Variants in KLF3 observed in about 807,000 individuals in gnomAD.
KLF3 encodes Krueppel-like factor 3.
In KLF3, 6 loss-of-function variants were observed where a neutral mutation model predicts 32.7. The ratio of observed to expected loss-of-function variants is 0.18; its 90% CI spans 0.10 to 0.36. The LOEUF (loss-of-function observed/expected upper bound fraction) is 0.36. Among genes scored for constraint, KLF3 ranks in the 10% least tolerant of loss-of-function variants. The pLI is 1.00. For synonymous variants in KLF3, 145 were observed against 172.8 expected (o/e 0.84, Z 1.26); for missense variants, 338 against 449.7 (o/e 0.75, Z 2.25).
Position 38,688,541 on chromosome 4 carries a change from G to A in KLF3, c.58-44G>A, listed in dbSNP as rs1722768371. The stretch of plus-strand genomic sequence containing the variant: ...TCTTAATTCATGTTTCAAGTAAATG[G>A]ACTTATTTGGCTGTTGACACGTTTT... On this transcript the variant is annotated intron_variant, in intron 2 of 5. Coordinates refer to ENST00000261438, the MANE Select transcript of KLF3 (RefSeq NM_016531.6). This position sits in a 1 kb window ranked among gnomAD's most constrained non-coding sequence, Gnocchi z 4.9. 6.5e-7 allele frequency: 1 copy of A among 1,527,698 alleles called. No individual in the cohort carries two copies. Among genetic ancestry groups the A allele is most frequent in the East Asian group, 2.3e-5 (1 of 43,940 alleles). The allele number at this position is 1,527,698 out of a possible 1,614,324, so 94.6% of individuals were successfully genotyped here.
At chr4:38,684,305 CCTTAT>C (rs760388699) in intron 2 of KLF3, among the ~76,000 whole-genome samples, 20 of 152,126 alleles carry the variant, frequency 1.3e-4, no homozygotes, top group Non-Finnish European at 2.2e-4. Flanking sequence ...TTATTCTTCA[CCTTAT>C]CAGTAATAAA....
intron 2 of KLF3, among the ~76,000 whole-genome samples, chr4:38,682,860 T>C (rs993907952): frequency 6.6e-6 from 1 of 152,230 alleles, no homozygotes; most frequent in Admixed American, 6.5e-5. Flanking sequence ...CTGACACTTT[T>C]AGAATTTAGT....
intron 1 of KLF3, among the ~76,000 whole-genome samples, chr4:38,672,159 C>A (rs1560413484): frequency 6.6e-6 from 1 of 152,146 alleles, no homozygotes; most frequent in South Asian, 2.1e-4. Context: ...ATCCCTATTA[C>A]TTGTTTAAGG....
chr4:38,693,145 T>TATATATATACATAC (rs1722935288), intron 4 of KLF3, among the ~76,000 whole-genome samples: 2 of 143,760 alleles, frequency 1.4e-5, no homozygotes, highest in Non-Finnish European at 3.0e-5. Context: ...TATATATGTG[T>TATATATATACATAC]ATATATATAC....
At chr4:38,673,494 T>A (rs1047664109) in intron 1 of KLF3, among the ~76,000 whole-genome samples, 2 of 152,232 alleles carry the variant, frequency 1.3e-5, no homozygotes, top group Non-Finnish European at 2.9e-5. Flanking sequence ...ATTATGGGTA[T>A]TTTTCAATTT....
rs534580861 is a variant in KLF3 at position 38,684,449 on chromosome 4, G to A, written c.57+3767G>A. Among the ~76,000 whole-genome samples the A allele has an allele frequency of 2.6e-5, 4 of 152,116 alleles. No individual in the cohort carries two copies. In the South Asian group the frequency reaches 8.3e-4, roughly 32 times the overall value. On this transcript the variant is annotated intron_variant, in intron 2 of 5. Transcript: ENST00000261438. ...CAATAAGTAAATGCACACTGTGCAGGGGTGTGAACATCTGAGTACATGTTA... is the reference window on the plus strand; with the variant it reads ...CAATAAGTAAATGCACACTGTGCAGAGGTGTGAACATCTGAGTACATGTTA...
At chr4:38,694,338 C>T (rs1195222902) in intron 4 of KLF3, among the ~76,000 whole-genome samples, 1 of 152,126 alleles carries the variant, frequency 6.6e-6, no homozygotes, top group Non-Finnish European at 1.5e-5. Flanking sequence ...TCAGCATTGC[C>T]TAGAACCACA....
In KLF3 at chr4:38,674,508, T is replaced by C. The variant is rs1361699666; in HGVS notation, c.-39-6079T>C. Among the ~76,000 whole-genome samples, 3 of 151,986 alleles carry C rather than the reference T, an allele frequency of 2.0e-5. No homozygotes were observed. The highest frequency in any genetic ancestry group is 7.3e-5 in the African/African-American group (3 of 41,368). On this transcript the variant is annotated intron_variant, in intron 1 of 5. Transcript: ENST00000261438. This position sits in a 1 kb window ranked among gnomAD's most constrained non-coding sequence, Gnocchi z 4.1. ...AGGGGAAGATAACATGTTTTCTCTT[T>C]GAAAAATCCAAAAACTTAGAAGAGT...
chr4:38,684,614 G>A lies in KLF3; in HGVS notation c.57+3932G>A, dbSNP rs557233000. On this transcript the variant is annotated intron_variant, in intron 2 of 5. Coordinates refer to ENST00000261438, the MANE Select transcript of KLF3 (RefSeq NM_016531.6). ...ATTGCCCTGTTGCCCAGGCTGGAAT[G>A]CAGTAGCAAGATCACTGCAACCTCA... Among the ~76,000 whole-genome samples, 4 of 140,264 alleles carry A rather than the reference G, an allele frequency of 2.9e-5. No individual in the cohort carries two copies. The South Asian group carries it at 9.6e-4, about 34-fold the overall frequency. 92.0% of individuals were successfully genotyped at this position (140,264 alleles called of 152,430 possible).
chr4:38,697,823 C>G lies in KLF3; in HGVS notation c.*560C>G, dbSNP rs902343315. ...TCTTGTCAACCTGGATCTTAGACTT[C>G]ATCTGAATCGAGTTCTTTGCCCTCC... On this transcript the variant is annotated 3_prime_UTR_variant, in exon 6 of 6. Transcript: ENST00000261438. 5.9e-5 allele frequency: 9 copies of G among 152,268 alleles called. No individual in the cohort carries two copies. Among genetic ancestry groups the G allele is most frequent in the African/African-American group, 9.6e-5 (4 of 41,458 alleles). The allele number at this position is 152,268 out of a possible 1,614,324, so 9.4% of individuals were successfully genotyped here.
chr4:38,693,945 A>G (rs1722964735), intron 4 of KLF3, among the ~76,000 whole-genome samples: 1 of 152,200 alleles, frequency 6.6e-6, no homozygotes, highest in Non-Finnish European at 1.5e-5. Flanking sequence ...GTGCAAACTC[A>G]GGAATGAGAG....
chr4:38,686,945 G>A (rs1278210732), intron 2 of KLF3, among the ~76,000 whole-genome samples: 1 of 152,156 alleles, frequency 6.6e-6, no homozygotes, highest in South Asian at 2.1e-4. Context: ...CCGAGGATTC[G>A]CCCAGACCAA....
In KLF3 at chr4:38,680,606, TAGA is replaced by T; in HGVS notation, c.-17_-15del. ...TTCTAGGCCAAACACCAGAGCACCC[TAGA>T]AGGTTTAACTAAAAGAATGCTCATG... On this transcript the variant is annotated 5_prime_UTR_variant, in exon 2 of 6. Coordinates refer to ENST00000261438, the MANE Select transcript of KLF3 (RefSeq NM_016531.6). 6.2e-7 allele frequency: 1 copy of T among 1,604,510 alleles called. No individual in the cohort carries two copies. Among genetic ancestry groups the T allele is most frequent in the Non-Finnish European group, 8.5e-7 (1 of 1,171,364 alleles).
chr4:38,696,203 A>AC (rs1000336579), intron 5 of KLF3, among the ~76,000 whole-genome samples: 5 of 151,802 alleles, frequency 3.3e-5, no homozygotes, highest in African/African-American at 9.7e-5. Flanking sequence ...AAAAAAAAAA[A>AC]AAAAACGCCT....
rs1448261442 is a variant in KLF3, at chr4:38,699,646, GA to G, written c.*2384del. On this transcript the variant is annotated 3_prime_UTR_variant, in exon 6 of 6. Transcript: ENST00000261438. ...ATTTTGTTCAAAAGATTTGAAGCAA[GA>G]CCTTGCAAAGACTCTTAACATTACT... 1.3e-5 allele frequency: 2 copies of G among 152,306 alleles called. No homozygotes were observed. Among genetic ancestry groups the G allele is most frequent in the Non-Finnish European group, 2.9e-5 (2 of 68,016 alleles). The allele number at this position is 152,306 out of a possible 1,614,324, so 9.4% of individuals were successfully genotyped here. A position where few individuals can be genotyped will look rare whatever the true frequency, so the allele number is the denominator to read the frequency against.
chr4:38,682,144 C>T (rs1031963833), intron 2 of KLF3, among the ~76,000 whole-genome samples: 5 of 152,248 alleles, frequency 3.3e-5, no homozygotes, highest in South Asian at 2.1e-4. Context: ...CTGCAACCTC[C>T]GCCTCCCAGG....
In KLF3 at chr4:38,697,666, A is replaced by G. The variant is rs1458717503; in HGVS notation, c.*403A>G. On this transcript the variant is annotated 3_prime_UTR_variant, in exon 6 of 6. Coordinates refer to ENST00000261438, the MANE Select transcript of KLF3 (RefSeq NM_016531.6). ...CAGACTGCTAGTCCTTGCCAGAGAC[A>G]TTCTTACCTCTGCCCTGTGATAATA... is the stretch of plus-strand genomic sequence containing the variant. 6.2e-6 allele frequency: 1 copy of G among 160,372 alleles called. No homozygotes were observed. Among genetic ancestry groups the G allele is most frequent in the Admixed American group, 6.3e-5 (1 of 15,798 alleles). The allele number at this position is 160,372 out of a possible 1,614,324, so 9.9% of individuals were successfully genotyped here.
At chr4:38,678,426 TGG>T (rs929376458) in intron 1 of KLF3, among the ~76,000 whole-genome samples, 42 of 152,326 alleles carry the variant, frequency 2.8e-4, no homozygotes, top group African/African-American at 1.0e-3. Flanking sequence ...TAGTTCTTGC[TGG>T]AATACATAAG....
intron 2 of KLF3, 195 bp downstream of exon 2, chr4:38,680,877 C>T: frequency 4.6e-6 from 2 of 431,134 alleles, no homozygotes; most frequent in Non-Finnish European, 8.8e-6. Flanking sequence ...ATGAAGAAAC[C>T]CCGTCTCTAC....
Sources: allele counts gnomAD v4.1 joint callset (sites outside exome capture counted in the v4.1 genomes callset), GRCh38; gene constraint gnomAD v4.1.1; non-coding constraint Gnocchi (gnomAD v3.1); transcripts MANE v1.5; gene names NCBI Gene and HGNC (gene_info 2026-07-23, HGNC 2026-07-21).